Variants in TMEM268 observed in about 807,000 individuals in gnomAD.
TMEM268 encodes the protein transmembrane protein 268.
In TMEM268, 24 loss-of-function variants were observed where a neutral mutation model predicts 39.1. The ratio of observed to expected loss-of-function variants is 0.61; its 90% confidence interval spans 0.44 to 0.86. TMEM268 has a LOEUF of 0.86. Among genes scored for constraint, TMEM268 ranks in the 40% least tolerant of loss-of-function variants. The pLI is 0.00. For missense variants in TMEM268, 409 were observed against 428.6 expected (o/e 0.95, Z 0.40); for synonymous variants, 176 against 173.5 (o/e 1.01, Z -0.12).
chr9:114,608,926 C>A (rs962436007), upstream of TMEM268, among the ~76,000 whole-genome samples: 1 of 152,170 alleles, frequency 6.6e-6, no homozygotes, highest in African/African-American at 2.4e-5. Context: ...TCCAATCATG[C>A]TGTCTCTGAG....
rs1171686622 is a variant in TMEM268, at chr9:114,638,593, G to A, written c.716G>A (p.Gly239Glu). ...LSQLCVVMET[G>E]VSPATAEGPE... ...CAGTTGTGTGTTGTCATGGAGACTG[G>A]GGTGAGCCCTGCAACAGCGGAGGGG... The change falls in exon 8 of 9, where the codon GGG becomes GAG. Residue 239 changes from glycine (G) to glutamate (E), a missense_variant. Coordinates refer to ENST00000288502, the MANE Select transcript of TMEM268 (RefSeq NM_153045.4). 1.9e-6 allele frequency: 3 copies of A among 1,607,362 alleles called. No individual in the cohort carries two copies. The South Asian group carries it at 3.3e-5, about 18-fold the overall frequency.
the TMEM268 span, among the ~76,000 whole-genome samples, chr9:114,604,475 G>A: frequency 1.3e-5 from 2 of 150,420 alleles, no homozygotes; most frequent in Non-Finnish European, 2.9e-5. Flanking sequence ...AGCTACTCAG[G>A]ATGCTGAGGC....
At chr9:114,607,768 G>A (rs1184323228), upstream of TMEM268, among the ~76,000 whole-genome samples, 3 of 152,190 alleles carry the variant, frequency 2.0e-5, no homozygotes, top group African/African-American at 7.2e-5. Flanking sequence ...CCCAGAAGAA[G>A]GGCCCTTTCA....
At chr9:114,617,025 GC>G in intron 1 of TMEM268, 92 bp from the exon 2 acceptor site, 1 of 521,958 alleles carries the variant, frequency 1.9e-6, no homozygotes, top group Non-Finnish European at 3.5e-6. Flanking sequence ...ACTCTCCCTG[GC>G]CTTTGGTGAC....
chr9:114,628,221 G>T lies in TMEM268; in HGVS notation c.445G>T (p.Val149Leu). ...CGCGGTGAGCCTGACCTTGACTCTTGTGCTGGTCTTTGAAAGACACCAGAA... is the reference window on the plus strand; with the variant it reads ...CGCGGTGAGCCTGACCTTGACTCTTTTGCTGGTCTTTGAAAGACACCAGAA... ...LAAVSLTLTL[V>L]LVFERHQKKA... Residue 149 changes from valine to leucine, a missense_variant, in exon 5 of 9, where the codon GTG becomes TTG. Coordinates refer to ENST00000288502, the MANE Select transcript of TMEM268 (RefSeq NM_153045.4). 1 of 1,614,144 alleles carries T rather than the reference G, an allele frequency of 6.2e-7. No homozygotes were observed. The highest frequency in any genetic ancestry group is 8.5e-7 in the Non-Finnish European group (1 of 1,180,036).
intron 8 of TMEM268, among the ~76,000 whole-genome samples, 178 bp downstream of exon 8, chr9:114,638,904 T>G (rs1446180287): frequency 1.3e-5 from 2 of 152,246 alleles, no homozygotes; most frequent in Non-Finnish European, 2.9e-5. Flanking sequence ...CTTAAAAAGA[T>G]AGTTAACAGG....
chr9:114,605,719 G>C, the TMEM268 span, among the ~76,000 whole-genome samples: 1 of 152,002 alleles, frequency 6.6e-6, no homozygotes, highest in African/African-American at 2.4e-5. Context: ...TTAGGTGATC[G>C]ATGCCAGACT....
intron 1 of TMEM268, among the ~76,000 whole-genome samples, chr9:114,612,336 T>TA (rs762361754): frequency 2.6e-5 from 4 of 152,112 alleles, no homozygotes; most frequent in Non-Finnish European, 5.9e-5. Context: ...AAGTTCTGGT[T>TA]AAAATGCAGA....
intron 8 of TMEM268, 69 bp downstream of exon 8, chr9:114,638,795 G>T (rs1436381711): frequency 1.6e-6 from 2 of 1,260,888 alleles, no homozygotes; most frequent in South Asian, 3.5e-5. Flanking sequence ...AGCCTATGTG[G>T]GGGCTTCTTA....
At chr9:114,628,550 TC>T (rs1433747696) in intron 5 of TMEM268, among the ~76,000 whole-genome samples, 1 of 152,116 alleles carries the variant, frequency 6.6e-6, no homozygotes, top group African/African-American at 2.4e-5. Context: ...CTCATGCACT[TC>T]CTCTCCCTGG....
At position 114,622,474 on chromosome 9, in the gene TMEM268, A is replaced by G. The variant is rs1845983522; in HGVS notation, c.107-1876A>G. On this transcript the variant is annotated intron_variant, in intron 2 of 8. Coordinates refer to ENST00000288502, the MANE Select transcript of TMEM268 (RefSeq NM_153045.4). ...CAAGGAGATCTCGATCCTTTTGTCC[A>G]GTTTCTCTACTTGGAACTGCAGGCA... 7.1e-6 allele frequency: 7 copies of G among 985,108 alleles called. No homozygotes were observed. In the South Asian group the frequency reaches 2.4e-4, roughly 33 times the overall value. The allele number at this position is 985,108 out of a possible 1,614,324, so 61.0% of individuals were successfully genotyped here. A position where few individuals can be genotyped will look rare whatever the true frequency, so the allele number is the denominator to read the frequency against.
rs1384977719 is a variant in TMEM268 at position 114,643,329 on chromosome 9, A to T, written c.*16A>T. ...GGCGAGGTGACCTAGGGATGAAGGTACTCATCTTCCTTCAAGACTGAGCAG... is the reference window on the plus strand; with the variant it reads ...GGCGAGGTGACCTAGGGATGAAGGTTCTCATCTTCCTTCAAGACTGAGCAG... On this transcript the variant is annotated 3_prime_UTR_variant, in exon 9 of 9. Coordinates refer to ENST00000288502, the MANE Select transcript of TMEM268 (RefSeq NM_153045.4). 5 of 1,612,866 alleles carry T rather than the reference A, an allele frequency of 3.1e-6. No homozygotes were observed. The highest frequency in any genetic ancestry group is 4.2e-6 in the Non-Finnish European group (5 of 1,179,006).
intron 8 of TMEM268, among the ~76,000 whole-genome samples, chr9:114,641,725 C>T (rs1827350064): frequency 6.6e-6 from 1 of 152,202 alleles, no homozygotes; most frequent in East Asian, 1.9e-4. Context: ...CAACCTCTGC[C>T]TCCGGGTTCA....
At chr9:114,642,331 C>G (rs1259123356) in intron 8 of TMEM268, among the ~76,000 whole-genome samples, 1 of 151,484 alleles carries the variant, frequency 6.6e-6, no homozygotes, top group Non-Finnish European at 1.5e-5. Flanking sequence ...TATAAGCAAT[C>G]TCTTTTTTCC....
chr9:114,617,454 C>T (rs1237575228), intron 2 of TMEM268, among the ~76,000 whole-genome samples, 153 bp downstream of exon 2: 1 of 152,196 alleles, frequency 6.6e-6, no homozygotes, highest in Non-Finnish European at 1.5e-5. Flanking sequence ...GGCCTTAGAC[C>T]AAGCCACCAT....
At chr9:114,617,742 A>G (rs1845787474) in intron 2 of TMEM268, among the ~76,000 whole-genome samples, 1 of 152,018 alleles carries the variant, frequency 6.6e-6, no homozygotes, top group Admixed American at 6.5e-5. Flanking sequence ...TGCTAATTAA[A>G]AATGTTTTTT....
chr9:114,637,395 C>T (rs553906574), intron 7 of TMEM268, among the ~76,000 whole-genome samples: 17 of 150,186 alleles, frequency 1.1e-4, no homozygotes, highest in Admixed American at 6.0e-4. Context: ...TGGGTTCAAG[C>T]GATTCTCCTG....
chr9:114,628,267 TC>T lies in TMEM268; in HGVS notation c.474+20del. On this transcript the variant is annotated intron_variant, in intron 5 of 8. Coordinates refer to ENST00000288502, the MANE Select transcript of TMEM268 (RefSeq NM_153045.4). ...CAGAAGAAGGTGAGATGTCTGGAGA[TC>T]CCTGCCACACTCTCTCCAGAAGAGC... The T allele has an allele frequency of 6.2e-7, 1 of 1,610,568 alleles. No individual in the cohort carries two copies. The highest frequency in any genetic ancestry group is 1.1e-5 in the South Asian group (1 of 91,056).
rs758918777 is a variant in TMEM268, at chr9:114,617,246, C to T, written c.51C>T (p.Pro17=). 5 of 1,613,028 alleles carry T rather than the reference C, an allele frequency of 3.1e-6. No homozygotes were observed. Among genetic ancestry groups the T allele is most frequent in the African/African-American group, 1.3e-5 (1 of 74,880 alleles). Residue 17 remains proline, a synonymous_variant, in exon 2 of 9, where the codon CCC becomes CCT. Transcript: ENST00000288502. ...CGGGGGCCACTGGCCCATTGCCCCCCTCCTCCCCTGGCTGGAGTGCCCTGC... is the reference window on the plus strand; with the variant it reads ...CGGGGGCCACTGGCCCATTGCCCCCTTCCTCCCCTGGCTGGAGTGCCCTGC... ...VDPGATGPLP[P]SSPGWSALPG...
Sources: allele counts gnomAD v4.1 joint callset (sites outside exome capture counted in the v4.1 genomes callset), GRCh38; gene constraint gnomAD v4.1.1; transcripts MANE v1.5; gene names NCBI Gene and HGNC (gene_info 2026-07-23, HGNC 2026-07-21).